The following BLOC1S3 variants were observed in gnomAD, a reference collection of about 807,000 sequenced individuals.
BLOC1S3 encodes biogenesis of lysosomal organelles complex 1 subunit 3, also known as biogenesis of lysosome-related organelles complex 1 subunit 3.
In BLOC1S3, 7 loss-of-function variants were observed where a neutral mutation model predicts 9.1. That is an observed-to-expected ratio of 0.77 (90% CI 0.44 to 1.45). The LOEUF (loss-of-function observed/expected upper bound fraction) is 1.45. Among genes scored for constraint, BLOC1S3 ranks in the 40% most tolerant of loss-of-function variants. The pLI, the probability that BLOC1S3 is intolerant of heterozygous loss-of-function variation, is 0.01. For missense variants in BLOC1S3, 307 were observed against 315.2 expected, an observed-to-expected ratio of 0.97 and a Z score of 0.20; for synonymous variants, 145 against 158.4, an observed-to-expected ratio of 0.92 and a Z score of 0.64.
At chr19:45,197,165 G>A (rs1969654916) in intron 2 of BLOC1S3, among the ~76,000 whole-genome samples, 1 of 151,876 alleles carries the variant, frequency 6.6e-6, no homozygotes, top group Admixed American at 6.6e-5. Flanking sequence ...TCCAGCCTGG[G>A]TGACACAGTG....
chr19:45,185,727 T>A (rs1969561442), downstream of BLOC1S3, among the ~76,000 whole-genome samples: 1 of 151,378 alleles, frequency 6.6e-6, no homozygotes, highest in Non-Finnish European at 1.5e-5. Context: ...AGGGCCAGAA[T>A]GAGGAGCAGG....
At chr19:45,204,315 G>A (rs1182536869) in intron 3 of BLOC1S3, among the ~76,000 whole-genome samples, 2 of 151,322 alleles carry the variant, frequency 1.3e-5, no homozygotes, top group African/African-American at 2.4e-5. Context: ...TCAGCCTCCC[G>A]AGTAGCTGGG....
intron 3 of BLOC1S3, among the ~76,000 whole-genome samples, chr19:45,209,331 A>G (rs1338374515): frequency 6.6e-6 from 1 of 151,178 alleles, no homozygotes; most frequent in Admixed American, 6.6e-5. Context: ...TTACACGCAT[A>G]AGCCACTGCG....
chr19:45,202,840 C>T (rs1282655738), intron 3 of BLOC1S3, among the ~76,000 whole-genome samples: 1 of 152,030 alleles, frequency 6.6e-6, no homozygotes, highest in Admixed American at 6.6e-5. Context: ...ATTCAAGGCC[C>T]AAGAGATCTT....
intron 2 of BLOC1S3, among the ~76,000 whole-genome samples, chr19:45,192,739 C>G (rs1457183084): frequency 6.6e-6 from 1 of 152,128 alleles, no homozygotes; most frequent in Non-Finnish European, 1.5e-5. Context: ...ATGGGGCCCT[C>G]AGGACCCTGC....
chr19:45,199,309 CTTTTTTTTTTTT>C (rs34967306), intron 2 of BLOC1S3, among the ~76,000 whole-genome samples: 13 of 72,474 alleles, frequency 1.8e-4, no homozygotes, highest in African/African-American at 7.2e-4. Flanking sequence ...GTGCCTTATT[CTTTTTTTTTTTT>C]TTTTTTTTTT....
chr19:45,213,156 G>T, intron 3 of BLOC1S3: 1 of 1,591,580 alleles, frequency 6.3e-7, no homozygotes, highest in Non-Finnish European at 8.6e-7. Context: ...GGGAGAGGGG[G>T]AGGCGGCCCA....
chr19:45,203,793 AC>A (rs1320125301), intron 3 of BLOC1S3, among the ~76,000 whole-genome samples: 2 of 151,868 alleles, frequency 1.3e-5, no homozygotes, highest in Non-Finnish European at 2.9e-5. Context: ...AGCTCTCCCT[AC>A]CCCAAATGCA....
chr19:45,188,816 C>A (rs949449717), intron 2 of BLOC1S3, among the ~76,000 whole-genome samples: 2 of 151,946 alleles, frequency 1.3e-5, no homozygotes, highest in Non-Finnish European at 2.9e-5. Context: ...AGGTGATCCA[C>A]CCACCTTGGC....
Position 45,179,341 on chromosome 19 carries a change from G to A in BLOC1S3, c.45G>A (p.Glu15=). ...GGCGGAGGCCCCTGCGGAGGCCGGA[G>A]ACGGTGGTGCCGGGGGAGGCGACCG... ...GRRRRPLRRP[E]TVVPGEATET... is the part of the protein sequence containing the mutation. The change falls in exon 2 of 2, where the codon GAG becomes GAA. Residue 15 remains glutamate (E), a synonymous_variant. Coordinates refer to ENST00000433642, the MANE Select transcript of BLOC1S3 (RefSeq NM_212550.5). This position sits in a 1 kb window ranked among gnomAD's most constrained non-coding sequence, Gnocchi z 4.6. 1 of 1,587,434 alleles carries A rather than the reference G, an allele frequency of 6.3e-7. No individual in the cohort carries two copies. The highest frequency in any genetic ancestry group is 8.5e-7 in the Non-Finnish European group (1 of 1,175,258).
At chr19:45,187,446 G>A (rs562025091) in intron 1 of BLOC1S3, 1 of 152,472 alleles carries the variant, frequency 6.6e-6, no homozygotes, top group African/African-American at 2.4e-5. Flanking sequence ...TGCTGGGTAT[G>A]TCCCCACACC....
chr19:45,179,710 C>A lies in BLOC1S3; in HGVS notation c.414C>A (p.Asp138Glu). 1 of 1,458,164 alleles carries A rather than the reference C, an allele frequency of 6.9e-7. No homozygotes were observed. The highest frequency in any genetic ancestry group is 9.0e-7 in the Non-Finnish European group (1 of 1,111,890). The allele number at this position is 1,458,164 out of a possible 1,614,324, so 90.3% of individuals were successfully genotyped here. ...VSGVYRRAGR[D>E]VAALASRLAA... Reference sequence around the variant, plus strand: ...GTGTCTACCGCCGTGCAGGCCGCGACGTGGCCGCCCTGGCTAGTAGGCTGG... The same window carrying A: ...GTGTCTACCGCCGTGCAGGCCGCGAAGTGGCCGCCCTGGCTAGTAGGCTGG... The change falls in exon 2 of 2, where the codon GAC becomes GAA. Residue 138 changes from aspartate to glutamate, a missense_variant. Transcript: ENST00000433642. This position sits in a 1 kb window ranked among gnomAD's most constrained non-coding sequence, Gnocchi z 4.6.
intron 3 of BLOC1S3, among the ~76,000 whole-genome samples, chr19:45,210,480 G>C (rs1186334514): frequency 6.6e-6 from 1 of 151,400 alleles, no homozygotes; most frequent in African/African-American, 2.4e-5. Flanking sequence ...TGAATTTTTA[G>C]TAGAGATGTG....
At chr19:45,189,727 C>T (rs1205117955) in intron 2 of BLOC1S3, among the ~76,000 whole-genome samples, 6 of 151,892 alleles carry the variant, frequency 4.0e-5, no homozygotes, top group East Asian at 1.9e-4. Flanking sequence ...TGAGCCACCA[C>T]GCCCGGCAGG....
At chr19:45,210,926 CAT>C (rs201524314) in intron 3 of BLOC1S3, among the ~76,000 whole-genome samples, 1,755 of 151,840 alleles carry the variant, frequency 0.012, 16 homozygotes, top group South Asian at 0.023. Context: ...ACCTGGTCAA[CAT>C]AGTGAGACTC....
At chr19:45,212,786 G>A (rs1160146830) in intron 3 of BLOC1S3, 18 of 354,080 alleles carry the variant, frequency 5.1e-5, no homozygotes, top group Non-Finnish European at 8.0e-5. Flanking sequence ...TAGAGATAGG[G>A]GGCAGGTCTC....
chr19:45,210,369 G>A (rs1472512664), intron 3 of BLOC1S3, among the ~76,000 whole-genome samples: 10 of 129,732 alleles, frequency 7.7e-5, no homozygotes, highest in African/African-American at 1.8e-4. Context: ...GCACGATCTC[G>A]GCTCACTTCA....
intron 1 of BLOC1S3, 141 bp downstream of exon 1, chr19:45,178,972 T>C (rs1195615751): frequency 3.6e-6 from 1 of 278,616 alleles, no homozygotes; most frequent in East Asian, 6.0e-5. Context: ...GAGATTGGCA[T>C]GGTGGACCAG....
chr19:45,215,897 C>T (rs1001078940), intron 3 of BLOC1S3, among the ~76,000 whole-genome samples: 9 of 152,244 alleles, frequency 5.9e-5, no homozygotes, highest in African/African-American at 1.7e-4. Flanking sequence ...GCAGCAGCGG[C>T]GGCAGGAGAA....
Sources: allele counts gnomAD v4.1 joint callset (sites outside exome capture counted in the v4.1 genomes callset), GRCh38; gene constraint gnomAD v4.1.1; non-coding constraint Gnocchi (gnomAD v3.1); transcripts MANE v1.5; gene names NCBI Gene and HGNC (gene_info 2026-07-23, HGNC 2026-07-21).